GRID2: variants seen among roughly 807,000 people sequenced by gnomAD.
GRID2 encodes the protein glutamate ionotropic receptor delta type subunit 2, also known as glutamate receptor ionotropic, delta-2.
Under a neutral mutation model 114.8 loss-of-function variants are expected in GRID2, and 33 were observed. The ratio of observed to expected loss-of-function variants is 0.29; its 90% confidence interval spans 0.22 to 0.38. GRID2 has a LOEUF of 0.38. GRID2 is among the 10% of genes least tolerant of loss of function. GRID2 has a pLI of 1.00. For synonymous variants in GRID2, 505 were observed against 449.9 expected (o/e 1.12, Z -1.55); for missense variants, 1,184 against 1,257.7 (o/e 0.94, Z 0.89).
chr4:93,494,391 T>C (rs945696586), intron 12 of GRID2, among the ~76,000 whole-genome samples: 1 of 151,256 alleles, frequency 6.6e-6, no homozygotes, highest in African/African-American at 2.4e-5. Flanking sequence ...GGGAGAGAAA[T>C]CAGCTTCTTT....
intron 2 of GRID2, among the ~76,000 whole-genome samples, chr4:92,643,796 A>G (rs866622235): frequency 6.6e-6 from 1 of 151,794 alleles, no homozygotes; most frequent in Non-Finnish European, 1.5e-5. Context: ...ACTGTCATAC[A>G]TGCCTTGATT....
At chr4:92,899,423 T>C (rs190962857) in intron 2 of GRID2, among the ~76,000 whole-genome samples, 34 of 152,274 alleles carry the variant, frequency 2.2e-4, no homozygotes, top group African/African-American at 7.9e-4. Context: ...TAAGTCATTT[T>C]CACAAGTGGT....
intron 6 of GRID2, among the ~76,000 whole-genome samples, chr4:93,221,459 T>C (rs1744867575): frequency 6.6e-6 from 1 of 152,172 alleles, no homozygotes; most frequent in Non-Finnish European, 1.5e-5. Flanking sequence ...ATTGGTCATA[T>C]GTGACATACT....
intron 1 of GRID2, among the ~76,000 whole-genome samples, chr4:92,564,987 G>A (rs1727269875): frequency 6.6e-6 from 1 of 151,748 alleles, no homozygotes; most frequent in Non-Finnish European, 1.5e-5. Context: ...CATTGTTATT[G>A]GCTTTAGAAT....
chr4:93,079,177 T>C (rs1038054871), intron 2 of GRID2, among the ~76,000 whole-genome samples: 1 of 151,780 alleles, frequency 6.6e-6, no homozygotes, highest in Admixed American at 6.6e-5. Flanking sequence ...ATCATTTTTA[T>C]TACATCAATG....
At chr4:93,318,023 T>TATATATATATATATATATATA (rs1560493013) in intron 8 of GRID2, among the ~76,000 whole-genome samples, 26 of 70,802 alleles carry the variant, frequency 3.7e-4, no homozygotes, top group Admixed American at 3.5e-3. Context: ...ATATATATAT[T>TATATATATATATATATATATA]ACTACTTTCT....
chr4:93,164,108 A>G (rs1032842041), intron 4 of GRID2, among the ~76,000 whole-genome samples: 3 of 151,942 alleles, frequency 2.0e-5, no homozygotes, highest in African/African-American at 7.2e-5. Flanking sequence ...GCCTTAATGT[A>G]TTCTGGCTAG....
At chr4:93,153,401 C>T (rs958715511) in intron 4 of GRID2, among the ~76,000 whole-genome samples, 1 of 151,994 alleles carries the variant, frequency 6.6e-6, no homozygotes, top group African/African-American at 2.4e-5. Flanking sequence ...TTTCAGTACT[C>T]AGAGGACAGG....
chr4:92,868,036 CTTTCTTTCT>C (rs1262942154), intron 2 of GRID2, among the ~76,000 whole-genome samples: 11 of 130,482 alleles, frequency 8.4e-5, no homozygotes, highest in Admixed American at 5.1e-4. Context: ...TTCTTTCTTT[CTTTCTTTCT>C]TTCTTTCTTT....
intron 1 of GRID2, among the ~76,000 whole-genome samples, chr4:92,334,522 C>A (rs1727064771): frequency 6.6e-6 from 1 of 151,984 alleles, no homozygotes; most frequent in Admixed American, 6.6e-5. Context: ...ACTGCATCAT[C>A]CCACGGCAGA....
At chr4:93,673,081 T>C (rs1724568638) in intron 14 of GRID2, among the ~76,000 whole-genome samples, 1 of 152,226 alleles carries the variant, frequency 6.6e-6, no homozygotes, top group Admixed American at 6.5e-5. Flanking sequence ...TGAAGTACAC[T>C]ACACATTGGC....
chr4:92,750,431 A>G (rs934448361), intron 2 of GRID2, among the ~76,000 whole-genome samples: 3 of 152,220 alleles, frequency 2.0e-5, no homozygotes, highest in Admixed American at 1.3e-4. Context: ...TGAAAATATT[A>G]GTTCAATTCA....
At chr4:93,036,478 TAA>T (rs1207324286) in intron 2 of GRID2, among the ~76,000 whole-genome samples, 1 of 152,126 alleles carries the variant, frequency 6.6e-6, no homozygotes, top group Admixed American at 6.6e-5. Context: ...CTAGGAAAAT[TAA>T]GTTTTATTAT....
chr4:93,603,070 C>T (rs1446539298), intron 13 of GRID2, among the ~76,000 whole-genome samples: 2 of 151,982 alleles, frequency 1.3e-5, no homozygotes, highest in African/African-American at 2.4e-5. Context: ...ATTAGCCAGA[C>T]GTGGTGGCAG....
At chr4:93,354,714 GTA>G (rs1209282721) in intron 8 of GRID2, among the ~76,000 whole-genome samples, 1 of 115,954 alleles carries the variant, frequency 8.6e-6, no homozygotes, top group Non-Finnish European at 1.8e-5. Context: ...GTGTGTGTGT[GTA>G]ATCTTTATGT....
At chr4:93,563,312 G>A (rs936421383) in intron 13 of GRID2, among the ~76,000 whole-genome samples, 1 of 151,738 alleles carries the variant, frequency 6.6e-6, no homozygotes, top group South Asian at 2.1e-4. Context: ...TCTCTAAATG[G>A]TGTATATCTT....
chr4:93,077,413 T>C (rs1319063366), intron 2 of GRID2, among the ~76,000 whole-genome samples: 1 of 152,198 alleles, frequency 6.6e-6, no homozygotes, highest in Non-Finnish European at 1.5e-5. Flanking sequence ...AAGATATTAT[T>C]CTTACTTTTA....
intron 2 of GRID2, among the ~76,000 whole-genome samples, chr4:92,923,697 T>A (rs1313502411): frequency 6.6e-6 from 1 of 152,142 alleles, no homozygotes; most frequent in Non-Finnish European, 1.5e-5. Context: ...AAGGAGGAAA[T>A]AATCTGTTAT....
chr4:93,022,271 C>G (rs1260363032), intron 2 of GRID2, among the ~76,000 whole-genome samples: 3 of 151,726 alleles, frequency 2.0e-5, no homozygotes, highest in African/African-American at 7.3e-5. Flanking sequence ...TATATGTGGG[C>G]ATATATAATG....
Sources: gnomAD v4.1 joint callset for allele counts (sites outside exome capture counted in the v4.1 genomes callset) on GRCh38, gnomAD v4.1.1 for gene constraint, MANE v1.5 for transcripts, NCBI Gene and HGNC (gene_info 2026-07-23, HGNC 2026-07-21) for gene names.